Variants in SLC36A1 observed in about 807,000 individuals in gnomAD.
SLC36A1 encodes solute carrier family 36 member 1, also known as proton-coupled amino acid transporter 1.
Under a neutral mutation model 47.5 loss-of-function variants are expected in SLC36A1, and 30 were observed. The ratio of observed to expected loss-of-function variants is 0.63; its 90% CI spans 0.47 to 0.86. SLC36A1 has a LOEUF of 0.86. SLC36A1 is among the 40% of genes least tolerant of loss of function. The pLI is 0.00. For missense variants in SLC36A1, 517 were observed against 606.0 expected (o/e 0.85, Z 1.54); for synonymous variants, 255 against 249.7 (o/e 1.02, Z -0.20).
the SLC36A1 span, among the ~76,000 whole-genome samples, chr5:151,372,764 C>A: frequency 3.3e-5 from 5 of 152,090 alleles, no homozygotes. Context: ...ATAAAGTTAT[C>A]AGTGGACTCA....
the SLC36A1 span, among the ~76,000 whole-genome samples, chr5:151,348,038 G>A: frequency 1.3e-5 from 2 of 152,130 alleles, no homozygotes; most frequent in Non-Finnish European, 2.9e-5. Flanking sequence ...AGGTTTCCAT[G>A]TCTCACTGGC....
the SLC36A1 span, among the ~76,000 whole-genome samples, chr5:151,518,314 A>T: frequency 6.6e-6 from 1 of 151,164 alleles, no homozygotes; most frequent in African/African-American, 2.4e-5. Flanking sequence ...TTGCCACTCT[A>T]TTCCAGCCTG....
chr5:151,526,670 CTT>C, the SLC36A1 span, among the ~76,000 whole-genome samples: 2 of 152,246 alleles, frequency 1.3e-5, no homozygotes, highest in Admixed American at 6.5e-5. Flanking sequence ...AGTCAGGTAA[CTT>C]ATTATTTGCA....
upstream of SLC36A1, among the ~76,000 whole-genome samples, chr5:151,433,234 A>G (rs867323258): frequency 2.3e-3 from 15 of 6,476 alleles, no homozygotes; most frequent in African/African-American, 8.1e-3. Context: ...ATATATATAT[A>G]TATATATATA....
At chr5:151,509,889 A>G in the SLC36A1 span, 2 of 1,061,152 alleles carry the variant, frequency 1.9e-6, no homozygotes, top group Non-Finnish European at 2.7e-6. Flanking sequence ...CTGCCCTAAC[A>G]GATGGAAAAG....
At chr5:151,365,188 A>G in the SLC36A1 span, among the ~76,000 whole-genome samples, 1 of 152,220 alleles carries the variant, frequency 6.6e-6, no homozygotes, top group Non-Finnish European at 1.5e-5. Context: ...GAAGGCAATG[A>G]TGGGACATTA....
chr5:151,514,719 A>T, the SLC36A1 span, among the ~76,000 whole-genome samples: 3 of 152,050 alleles, frequency 2.0e-5, no homozygotes, highest in African/African-American at 7.2e-5. Flanking sequence ...TCAGCTGATC[A>T]TCTCACATCC....
the SLC36A1 span, chr5:151,347,554 C>A: frequency 6.7e-7 from 1 of 1,488,666 alleles, no homozygotes; most frequent in Non-Finnish European, 9.3e-7. Flanking sequence ...TACACCCCAG[C>A]ACAGTGGTGT....
At chr5:151,442,683 G>C (rs538972379), upstream of SLC36A1, among the ~76,000 whole-genome samples, 9 of 151,874 alleles carry the variant, frequency 5.9e-5, no homozygotes. Flanking sequence ...TCTACTGTTT[G>C]TACAGTACAA....
chr5:151,535,480 A>AC, the SLC36A1 span, among the ~76,000 whole-genome samples: 2 of 152,142 alleles, frequency 1.3e-5, no homozygotes, highest in African/African-American at 4.8e-5. Context: ...ATATAGCTGA[A>AC]CACAGGGCGG....
intron 10 of SLC36A1, 91 bp from the exon 11 acceptor site, chr5:151,487,892 G>A: frequency 6.9e-7 from 1 of 1,454,980 alleles, no homozygotes. Context: ...AATCCTATAA[G>A]ATGGACAGAT....
At chr5:151,464,705 C>A in intron 4 of SLC36A1, 103 bp downstream of exon 4, 1 of 965,708 alleles carries the variant, frequency 1.0e-6, no homozygotes, top group Non-Finnish European at 1.6e-6. Flanking sequence ...CAATTCTTTA[C>A]ACTGGCTGGA....
chr5:151,454,005 A>G (rs78947974), intron 1 of SLC36A1, among the ~76,000 whole-genome samples: 1,752 of 152,118 alleles, frequency 0.012, 18 homozygotes, highest in Non-Finnish European at 0.019. Flanking sequence ...ATTGAAGAGC[A>G]ACACTTGTCT....
In SLC36A1 at chr5:151,488,821, T is replaced by C. The variant is rs1759875582; in HGVS notation, c.*567T>C. The C allele has an allele frequency of 6.3e-6, 1 of 159,190 alleles. No homozygotes were observed. The highest frequency in any genetic ancestry group is 5.9e-5 in the Admixed American group (1 of 17,060). The allele number at this position is 159,190 out of a possible 1,614,324, so 9.9% of individuals were successfully genotyped here. A position where few individuals can be genotyped will look rare whatever the true frequency, so the allele number is the denominator to read the frequency against. On this transcript the variant is annotated 3_prime_UTR_variant, in exon 11 of 11. Transcript: ENST00000243389. ...CCAAGCTGGAGTTTTTAATCTGGACTCTCTGGCTTGCTGTGACCCCTAAGG... is the reference window on the plus strand; with the variant it reads ...CCAAGCTGGAGTTTTTAATCTGGACCCTCTGGCTTGCTGTGACCCCTAAGG...
chr5:151,374,981 T>G, the SLC36A1 span, among the ~76,000 whole-genome samples: 1 of 152,112 alleles, frequency 6.6e-6, no homozygotes, highest in African/African-American at 2.4e-5. Context: ...ATGCATAGTT[T>G]GCAAATATTT....
At chr5:151,374,877 G>A in the SLC36A1 span, among the ~76,000 whole-genome samples, 1 of 148,306 alleles carries the variant, frequency 6.7e-6, no homozygotes, top group Non-Finnish European at 1.5e-5. Flanking sequence ...TATGTCATTT[G>A]GCAACTTTCT....
chr5:151,415,547 T>C, the SLC36A1 span, among the ~76,000 whole-genome samples: 4 of 152,206 alleles, frequency 2.6e-5, no homozygotes, highest in African/African-American at 4.8e-5. Context: ...CAGAGAAGTT[T>C]TCCCCACCTC....
chr5:151,347,469 A>C, the SLC36A1 span: 1 of 1,613,614 alleles, frequency 6.2e-7, no homozygotes, highest in Non-Finnish European at 8.5e-7. Flanking sequence ...ATGACTGCTT[A>C]AGAAACAAGG....
chr5:151,459,419 C>T (rs1336816609), intron 2 of SLC36A1, among the ~76,000 whole-genome samples: 1 of 152,178 alleles, frequency 6.6e-6, no homozygotes, highest in African/African-American at 2.4e-5. Flanking sequence ...TTGCATTCTC[C>T]AAAGAGGGCT....
Sources: gnomAD v4.1 joint callset for allele counts (sites outside exome capture counted in the v4.1 genomes callset) on GRCh38, gnomAD v4.1.1 for gene constraint, MANE v1.5 for transcripts, NCBI Gene and HGNC (gene_info 2026-07-23, HGNC 2026-07-21) for gene names.